The following PRKCE variants were observed in gnomAD, a reference collection of about 807,000 sequenced individuals.
PRKCE encodes protein kinase C epsilon.
PRKCE carries 16 observed loss-of-function variants against 85.4 expected under a neutral mutation model. The ratio of observed to expected loss-of-function variants is 0.19; its 90% CI spans 0.13 to 0.28. The LOEUF (loss-of-function observed/expected upper bound fraction) is 0.28, where lower values mean the gene tolerates loss of function less well. Among genes scored for constraint, PRKCE ranks in the 10% least tolerant of loss-of-function variants. PRKCE has a pLI of 1.00. For synonymous variants in PRKCE, 388 were observed against 371.5 expected (o/e 1.04, Z -0.51); for missense variants, 573 against 975.2 (o/e 0.59, Z 5.49).
chr2:46,108,104 G>A (rs1558462938), intron 11 of PRKCE, among the ~76,000 whole-genome samples: 2 of 151,930 alleles, frequency 1.3e-5, no homozygotes, highest in African/African-American at 4.8e-5. Context: ...ATTTTTTAGG[G>A]TTTTTTTGAG....
chr2:46,074,267 T>A (rs1334519278), intron 10 of PRKCE, among the ~76,000 whole-genome samples: 3 of 151,614 alleles, frequency 2.0e-5, no homozygotes, highest in African/African-American at 4.8e-5. Flanking sequence ...AGGTTGGTGG[T>A]TTTATATACA....
At chr2:45,779,119 T>C (rs1685980620) in intron 1 of PRKCE, among the ~76,000 whole-genome samples, 1 of 152,226 alleles carries the variant, frequency 6.6e-6, no homozygotes, top group Non-Finnish European at 1.5e-5. Context: ...TTAAGTAACT[T>C]GGAACTTTAC....
chr2:46,118,277 C>T lies in PRKCE; in HGVS notation c.1593-26816C>T, dbSNP rs535507997. ...GAGGAAACCTACCTGAAATTCTACA[C>T]TCAGAAGAGTTGGCACTTGGGTAGC... On this transcript the variant is annotated intron_variant, in intron 11 of 14. Transcript: ENST00000306156. Among the ~76,000 whole-genome samples, 20 of 152,304 alleles carry T rather than the reference C, an allele frequency of 1.3e-4. No homozygotes were observed. The Middle Eastern group carries it at 0.014, about 104-fold the overall frequency.
chr2:45,991,039 C>G (rs1334287969), intron 6 of PRKCE, among the ~76,000 whole-genome samples: 1 of 151,032 alleles, frequency 6.6e-6, no homozygotes, highest in South Asian at 2.1e-4. Context: ...CAGAGTCTCA[C>G]TTTGTCACCC....
At chr2:46,079,346 A>T (rs1455142631) in intron 10 of PRKCE, among the ~76,000 whole-genome samples, 1 of 152,210 alleles carries the variant, frequency 6.6e-6, no homozygotes, top group African/African-American at 2.4e-5. Flanking sequence ...AGTTTAGCAC[A>T]TAATTATACA....
chr2:45,817,969 C>T (rs1689218794), intron 1 of PRKCE, among the ~76,000 whole-genome samples: 1 of 152,210 alleles, frequency 6.6e-6, no homozygotes, highest in Non-Finnish European at 1.5e-5. Flanking sequence ...GGCTCAGTCT[C>T]CCTGGAGTTT....
chr2:45,747,354 A>G (rs1683223840), intron 1 of PRKCE, among the ~76,000 whole-genome samples: 1 of 152,130 alleles, frequency 6.6e-6, no homozygotes, highest in African/African-American at 2.4e-5. Context: ...ATTAAACACT[A>G]ACTTCCCATT....
chr2:46,018,343 A>G (rs1388888999), intron 10 of PRKCE, among the ~76,000 whole-genome samples: 5 of 152,148 alleles, frequency 3.3e-5, no homozygotes, highest in Admixed American at 6.5e-5. Context: ...AAAGGTAGGT[A>G]GGAGTCCCGG....
chr2:45,751,357 C>G (rs546700377), intron 1 of PRKCE, among the ~76,000 whole-genome samples: 1 of 152,180 alleles, frequency 6.6e-6, no homozygotes, highest in Non-Finnish European at 1.5e-5. Context: ...GTTATCACAT[C>G]ATTATATAAT....
rs1191995466 is a variant in PRKCE at position 46,086,321 on chromosome 2, A to T, written c.1551A>T (p.Thr517=). 1 of 1,599,646 alleles carries T rather than the reference A, an allele frequency of 6.3e-7. No homozygotes were observed. Among genetic ancestry groups the T allele is most frequent in the Non-Finnish European group, 8.5e-7 (1 of 1,179,900 alleles). The change falls in exon 11 of 15, where the codon ACA becomes ACT. Residue 517 remains threonine (T), a synonymous_variant. Transcript: ENST00000306156. ...CACGGTTCTATGCTGCAGAGGTCAC[A>T]TCGGCCCTCATGTTCCTCCACCAGC... is the stretch of plus-strand genomic sequence containing the variant. ...PRSRFYAAEV[T]SALMFLHQHG...
chr2:45,987,645 A>G (rs1237678401), intron 6 of PRKCE, among the ~76,000 whole-genome samples: 1 of 151,240 alleles, frequency 6.6e-6, no homozygotes, highest in Non-Finnish European at 1.5e-5. Flanking sequence ...CAGCCACGGA[A>G]CCTGCACAGC....
intron 2 of PRKCE, among the ~76,000 whole-genome samples, chr2:45,931,997 G>A (rs1303078208): frequency 6.6e-6 from 1 of 152,136 alleles, no homozygotes; most frequent in South Asian, 2.1e-4. Flanking sequence ...GATTACAGGC[G>A]TGAGCCACCA....
At chr2:46,089,405 G>A (rs975919582) in intron 11 of PRKCE, among the ~76,000 whole-genome samples, 3 of 152,112 alleles carry the variant, frequency 2.0e-5, no homozygotes, top group Non-Finnish European at 4.4e-5. Flanking sequence ...CTAGTTTGCA[G>A]TAGTTACTGT....
intron 2 of PRKCE, among the ~76,000 whole-genome samples, chr2:45,909,608 CT>C (rs1697230942): frequency 6.6e-6 from 1 of 152,136 alleles, no homozygotes; most frequent in African/African-American, 2.4e-5. Flanking sequence ...AAAATAAAAC[CT>C]TAGGGAACAA....
chr2:46,017,398 T>C (rs1183961644), intron 10 of PRKCE, among the ~76,000 whole-genome samples: 1 of 152,244 alleles, frequency 6.6e-6, no homozygotes, highest in Non-Finnish European at 1.5e-5. Flanking sequence ...TCCTTCCTTT[T>C]AAAGGCCAAA....
At chr2:45,725,704 A>C (rs1681004883) in intron 1 of PRKCE, among the ~76,000 whole-genome samples, 1 of 152,040 alleles carries the variant, frequency 6.6e-6, no homozygotes, top group Admixed American at 6.6e-5. Flanking sequence ...GGTGGCACGC[A>C]CCTGTAGTCC....
At chr2:45,992,546 GCTCT>G (rs1471500557) in intron 6 of PRKCE, among the ~76,000 whole-genome samples, 2 of 152,140 alleles carry the variant, frequency 1.3e-5, no homozygotes, top group African/African-American at 2.4e-5. Flanking sequence ...GCAAATATTT[GCTCT>G]CTGTCTCTGA....
intron 10 of PRKCE, among the ~76,000 whole-genome samples, chr2:46,070,225 T>G (rs182199408): frequency 1.3e-4 from 20 of 152,340 alleles, no homozygotes; most frequent in African/African-American, 4.8e-4. Context: ...TAGCAGAGAC[T>G]TTGTGTTCTA....
chr2:45,799,673 A>G (rs1012325796), intron 1 of PRKCE, among the ~76,000 whole-genome samples: 1 of 152,268 alleles, frequency 6.6e-6, no homozygotes, highest in Admixed American at 6.5e-5. Context: ...TAATTAGTGC[A>G]TACTCAAAAT....
Sources: gnomAD v4.1 joint callset for allele counts (sites outside exome capture counted in the v4.1 genomes callset) on GRCh38, gnomAD v4.1.1 for gene constraint, MANE v1.5 for transcripts, NCBI Gene and HGNC (gene_info 2026-07-23, HGNC 2026-07-21) for gene names.